Variants in ST8SIA1 observed in about 807,000 individuals in gnomAD.
ST8SIA1 encodes the protein alpha-N-acetylneuraminide alpha-2,8-sialyltransferase.
ST8SIA1 carries 16 observed loss-of-function variants against 35.9 expected under a neutral mutation model. The observed-to-expected ratio is 0.45, with a 90% CI of 0.30 to 0.68. The LOEUF is 0.68. Ranked by LOEUF, ST8SIA1 falls within the 30% of genes least tolerant of loss-of-function variation. The pLI is 0.09. For missense variants in ST8SIA1, 383 were observed against 453.6 expected, an observed-to-expected ratio of 0.84 and a Z score of 1.41; for synonymous variants, 170 against 169.6, an observed-to-expected ratio of 1.00 and a Z score of -0.02.
intron 4 of ST8SIA1, 44 bp downstream of exon 4, chr12:22,248,962 G>T: frequency 7.0e-7 from 1 of 1,434,180 alleles, no homozygotes; most frequent in Non-Finnish European, 9.8e-7. Flanking sequence ...TACTTGAGAA[G>T]ACTTCATCTT....
chr12:22,259,808 C>A (rs535642273), intron 2 of ST8SIA1, among the ~76,000 whole-genome samples: 2 of 152,234 alleles, frequency 1.3e-5, no homozygotes, highest in Admixed American at 1.3e-4. Context: ...ATAATACTCT[C>A]ATTAATACTC....
rs191159704 is a variant in ST8SIA1 at position 22,205,652 on chromosome 12, T to G, written c.585-3614A>C. The stretch of plus-strand genomic sequence containing the variant: ...TTTAAAATCTAGCTGGCACAGTGAC[T>G]CAAGTCTACAATCCTAGCACTTTAG... On this transcript the variant is annotated intron_variant, in intron 4 of 4. Transcript: ENST00000396037. 6.2e-3 allele frequency among the ~76,000 whole-genome samples: 939 copies of G among 152,206 alleles called. 6 individuals carry two copies. Among genetic ancestry groups the G allele is most frequent in the African/African-American group, 0.021 (873 of 41,516 alleles).
intron 4 of ST8SIA1, among the ~76,000 whole-genome samples, chr12:22,246,277 A>C (rs1012426044): frequency 2.0e-5 from 3 of 152,092 alleles, no homozygotes; most frequent in Non-Finnish European, 4.4e-5. Context: ...TGCAGAATTG[A>C]TTGCTTGCTT....
At chr12:22,240,708 A>G (rs536081788) in intron 4 of ST8SIA1, among the ~76,000 whole-genome samples, 2 of 152,276 alleles carry the variant, frequency 1.3e-5, no homozygotes, top group South Asian at 2.1e-4. Context: ...AAGCACACTA[A>G]TAACATAAAC....
At chr12:22,301,212 A>G (rs1866314818) in intron 1 of ST8SIA1, among the ~76,000 whole-genome samples, 1 of 152,002 alleles carries the variant, frequency 6.6e-6, no homozygotes, top group Admixed American at 6.6e-5. Context: ...AACTCTAACA[A>G]GTGCTCTTGA....
In ST8SIA1 at chr12:22,240,554, C is replaced by T. The variant is rs372747468; in HGVS notation, c.584+8452G>A. Among the ~76,000 whole-genome samples, 9 of 151,788 alleles carry T rather than the reference C, an allele frequency of 5.9e-5. No individual in the cohort carries two copies. The East Asian group carries it at 1.5e-3, about 26-fold the overall frequency. On this transcript the variant is annotated intron_variant, in intron 4 of 4. Coordinates refer to ENST00000396037, the MANE Select transcript of ST8SIA1 (RefSeq NM_003034.4). ...GGAAAAAAAAAAAGAAGTCAGACAGCAAAAGAGATATGGAAGTTTTAGGAA... is the reference window on the plus strand; with the variant it reads ...GGAAAAAAAAAAAGAAGTCAGACAGTAAAAGAGATATGGAAGTTTTAGGAA...
chr12:22,249,917 G>T (rs1424401670), intron 3 of ST8SIA1, among the ~76,000 whole-genome samples: 3 of 152,106 alleles, frequency 2.0e-5, no homozygotes, highest in African/African-American at 7.2e-5. Flanking sequence ...TGCATTCAGG[G>T]CCATGTACTA....
At chr12:22,261,957 A>G (rs1865797659) in intron 2 of ST8SIA1, among the ~76,000 whole-genome samples, 1 of 152,208 alleles carries the variant, frequency 6.6e-6, no homozygotes, top group South Asian at 2.1e-4. Context: ...TTACACGCTA[A>G]ATAGAAAAAC....
chr12:22,312,928 G>A (rs2135834061), intron 1 of ST8SIA1, among the ~76,000 whole-genome samples: 1 of 152,104 alleles, frequency 6.6e-6, no homozygotes, highest in South Asian at 2.1e-4. Context: ...TAACCCTTTG[G>A]TATACAGAGA....
At chr12:22,211,475 T>C (rs1865175536) in intron 4 of ST8SIA1, among the ~76,000 whole-genome samples, 1 of 152,238 alleles carries the variant, frequency 6.6e-6, no homozygotes, top group African/African-American at 2.4e-5. Context: ...ATCATTAGCA[T>C]ACAAAATACA....
intron 4 of ST8SIA1, among the ~76,000 whole-genome samples, chr12:22,210,033 G>T (rs1241258174): frequency 1.3e-5 from 2 of 152,060 alleles, no homozygotes; most frequent in Non-Finnish European, 1.5e-5. Flanking sequence ...CCACCTAAAT[G>T]CCATCACTAA....
At chr12:22,258,771 G>A (rs1466987593) in intron 2 of ST8SIA1, among the ~76,000 whole-genome samples, 1 of 152,162 alleles carries the variant, frequency 6.6e-6, no homozygotes, top group Non-Finnish European at 1.5e-5. Context: ...CCCTTTAATT[G>A]TTGTCAAAGA....
chr12:22,242,575 A>G (rs1240963736), intron 4 of ST8SIA1, among the ~76,000 whole-genome samples: 1 of 152,230 alleles, frequency 6.6e-6, no homozygotes, highest in Non-Finnish European at 1.5e-5. Flanking sequence ...GATTTAAAAA[A>G]TCTTTTAAAG....
In ST8SIA1 at chr12:22,334,535, GGC is replaced by G; in HGVS notation, c.-305_-304del. The G allele has an allele frequency of 4.5e-6, 2 of 443,746 alleles. No homozygotes were observed. Among genetic ancestry groups the G allele is most frequent in the East Asian group, 8.2e-5 (2 of 24,518 alleles). 27.5% of individuals were successfully genotyped at this position (443,746 alleles called of 1,614,324 possible). Reference sequence around the variant, plus strand: ...TGGGGTCTCCGAGTGCGCAGAGAGCGGCGGCGGCGAGTCGCTCCCGCCGGTTC... The same window carrying G: ...TGGGGTCTCCGAGTGCGCAGAGAGCGGGCGGCGAGTCGCTCCCGCCGGTTC... On this transcript the variant is annotated 5_prime_UTR_variant, in exon 1 of 5. The change abolishes the stop of an existing upstream ORF in the 5' untranslated region. Transcript: ENST00000396037.
intron 2 of ST8SIA1, among the ~76,000 whole-genome samples, chr12:22,285,871 C>CAAAAAA (rs1264234503): frequency 3.2e-5 from 3 of 94,946 alleles, no homozygotes; most frequent in African/African-American, 4.6e-5. Flanking sequence ...AAGACTCTGT[C>CAAAAAA]AAAAACAAAA....
intron 4 of ST8SIA1, among the ~76,000 whole-genome samples, chr12:22,236,322 G>C (rs531541106): frequency 6.6e-6 from 1 of 152,128 alleles, no homozygotes; most frequent in Non-Finnish European, 1.5e-5. Flanking sequence ...ACAAAATTCT[G>C]GTGCTGACTT....
chr12:22,287,540 G>A (rs12099876), intron 1 of ST8SIA1, among the ~76,000 whole-genome samples: 28,321 of 151,258 alleles, frequency 0.19, 3,012 homozygotes, highest in African/African-American at 0.3. Context: ...ATTAGATTGT[G>A]TTCAGATTCA....
chr12:22,203,047 G>A (rs1865067187), intron 4 of ST8SIA1, among the ~76,000 whole-genome samples: 2 of 152,176 alleles, frequency 1.3e-5, no homozygotes, highest in African/African-American at 4.8e-5. Context: ...AATCTTCACA[G>A]CAGTGACTGC....
chr12:22,239,060 T>C (rs1376588488), intron 4 of ST8SIA1, among the ~76,000 whole-genome samples: 1 of 152,210 alleles, frequency 6.6e-6, no homozygotes, highest in Admixed American at 6.5e-5. Flanking sequence ...TGACATCCAT[T>C]TTTACTGTTA....
Sources: gnomAD v4.1 joint callset for allele counts (sites outside exome capture counted in the v4.1 genomes callset) on GRCh38, gnomAD v4.1.1 for gene constraint, MANE v1.5 for transcripts, NCBI Gene and HGNC (gene_info 2026-07-23, HGNC 2026-07-21) for gene names.